The following CHRM3 variants were observed in gnomAD, a reference collection of about 807,000 sequenced individuals.
CHRM3 encodes the protein cholinergic receptor muscarinic 3, also known as muscarinic acetylcholine receptor M3.
In CHRM3, 11 loss-of-function variants were observed where a neutral mutation model predicts 41.8. The ratio of observed to expected loss-of-function variants is 0.26; its 90% CI spans 0.17 to 0.44. CHRM3 has a LOEUF of 0.44. Ranked by LOEUF, CHRM3 falls within the 20% of genes least tolerant of loss-of-function variation. The probability of loss-of-function intolerance (pLI) is 1.00; values close to 1 mark genes in which losing one functional copy is unlikely to be tolerated. For missense variants in CHRM3, 571 were observed against 745.4 expected (o/e 0.77, Z 2.72); for synonymous variants, 297 against 301.4 (o/e 0.99, Z 0.15).
chr1:239,480,224 G>A (rs1666743252), intron 1 of CHRM3, among the ~76,000 whole-genome samples: 1 of 152,040 alleles, frequency 6.6e-6, no homozygotes, highest in African/African-American at 2.4e-5. Flanking sequence ...GATTTATGCT[G>A]AAAGAAAATT....
At chr1:239,675,684 CAT>C (rs780005487) in intron 4 of CHRM3, among the ~76,000 whole-genome samples, 10 of 152,128 alleles carry the variant, frequency 6.6e-5, no homozygotes, top group Non-Finnish European at 1.2e-4. Context: ...CTGTAACAAG[CAT>C]ACAGTTTTTC....
chr1:239,762,070 C>T (rs997908903), intron 5 of CHRM3, among the ~76,000 whole-genome samples: 1 of 152,092 alleles, frequency 6.6e-6, no homozygotes, highest in Non-Finnish European at 1.5e-5. Context: ...TGCCTGTTGC[C>T]CAGGGTCTGA....
chr1:239,588,444 T>G (rs912545878), intron 3 of CHRM3, among the ~76,000 whole-genome samples: 1 of 152,208 alleles, frequency 6.6e-6, no homozygotes, highest in South Asian at 2.1e-4. Flanking sequence ...TGAATGCTCA[T>G]TAATTCAATG....
At chr1:239,672,230 T>C (rs1006100894) in intron 4 of CHRM3, among the ~76,000 whole-genome samples, 2 of 152,058 alleles carry the variant, frequency 1.3e-5, no homozygotes, top group Non-Finnish European at 2.9e-5. Flanking sequence ...CGGGATGCCA[T>C]CATATGGATG....
At chr1:239,634,409 A>G (rs12077943) in intron 4 of CHRM3, among the ~76,000 whole-genome samples, 1 of 146,296 alleles carries the variant, frequency 6.8e-6, no homozygotes, top group African/African-American at 2.5e-5. Flanking sequence ...AAGAAAGGAA[A>G]GAAAGAAGAA....
At chr1:239,593,892 C>G (rs997538) in intron 3 of CHRM3, among the ~76,000 whole-genome samples, 118,775 of 152,096 alleles carry the variant, frequency 0.78, 50,635 homozygotes, top group Non-Finnish European at 0.93. Context: ...CACCGATAAG[C>G]AAGTTCATCA....
intron 4 of CHRM3, among the ~76,000 whole-genome samples, chr1:239,636,312 A>G (rs1263934886): frequency 1.3e-5 from 2 of 152,234 alleles, no homozygotes; most frequent in Non-Finnish European, 2.9e-5. Flanking sequence ...AACATTCCAG[A>G]TAACAATGAC....
intron 3 of CHRM3, among the ~76,000 whole-genome samples, chr1:239,602,805 C>T (rs1433305418): frequency 6.6e-6 from 1 of 151,988 alleles, no homozygotes; most frequent in Non-Finnish European, 1.5e-5. Context: ...AAACAGATAA[C>T]ATAATATTTT....
intron 6 of CHRM3, among the ~76,000 whole-genome samples, chr1:239,831,423 G>T (rs1417001808): frequency 6.6e-6 from 1 of 152,070 alleles, no homozygotes; most frequent in Non-Finnish European, 1.5e-5. Flanking sequence ...GATCGATTAA[G>T]GCAACACAGT....
intron 5 of CHRM3, among the ~76,000 whole-genome samples, chr1:239,784,454 A>G (rs1454134204): frequency 6.6e-6 from 1 of 152,166 alleles, no homozygotes; most frequent in Admixed American, 6.5e-5. Flanking sequence ...CAATACATTT[A>G]CAGCTAACTC....
At chr1:239,466,372 C>T (rs182319492) in intron 1 of CHRM3, among the ~76,000 whole-genome samples, 1 of 152,162 alleles carries the variant, frequency 6.6e-6, no homozygotes, top group African/African-American at 2.4e-5. Flanking sequence ...TCTATCTTAA[C>T]TTACTGTAAG....
rs911109560 is a variant in CHRM3 at position 239,632,293 on chromosome 1, T to A, written c.-250+7T>A. 5 of 152,228 alleles carry A rather than the reference T, an allele frequency of 3.3e-5. No homozygotes were observed. The highest frequency in any genetic ancestry group is 3.3e-4 in the Admixed American group (5 of 15,284). 9.4% of individuals were successfully genotyped at this position (152,228 alleles called of 1,614,324 possible). A position where few individuals can be genotyped will look rare whatever the true frequency, so the allele number is the denominator to read the frequency against. Reference sequence around the variant, plus strand: ...TCAGCTAAGGTACAATAAGGTAAGATCCTTTTTCTAGTTGAGCTATTTCCT... The same window carrying A: ...TCAGCTAAGGTACAATAAGGTAAGAACCTTTTTCTAGTTGAGCTATTTCCT... On this transcript the variant is annotated splice_region_variant and intron_variant, in intron 4 of 6. Transcript: ENST00000676153.
chr1:239,434,429 C>T (rs1238367173), intron 1 of CHRM3, among the ~76,000 whole-genome samples: 4 of 152,214 alleles, frequency 2.6e-5, no homozygotes, highest in Non-Finnish European at 5.9e-5. Flanking sequence ...AAGACTCTCT[C>T]TCTATCTATA....
At position 239,748,716 on chromosome 1, in the gene CHRM3, T is replaced by C. The variant is rs1317912906; in HGVS notation, c.-147+70428T>C. 6.6e-6 allele frequency among the ~76,000 whole-genome samples: 1 copy of C among 152,246 alleles called. No individual in the cohort carries two copies. The highest frequency in any genetic ancestry group is 6.5e-5 in the Admixed American group (1 of 15,282). On this transcript the variant is annotated intron_variant, in intron 5 of 6. Transcript: ENST00000676153. The surrounding 1 kb of genome is among the most constrained non-coding windows in gnomAD (Gnocchi z 4.3). The stretch of plus-strand genomic sequence containing the variant: ...AACTGGATGGATTTAATTCACTTGA[T>C]AAACATAGTTAACCCTTAAATACCA...
intron 4 of CHRM3, among the ~76,000 whole-genome samples, chr1:239,652,367 C>T (rs1159985920): frequency 1.3e-5 from 2 of 152,166 alleles, no homozygotes; most frequent in Non-Finnish European, 2.9e-5. Flanking sequence ...ATCCCCATTC[C>T]ACCTTGAGCA....
At chr1:239,403,978 A>G (rs1232580710) in intron 1 of CHRM3, among the ~76,000 whole-genome samples, 347 of 32,488 alleles carry the variant, frequency 0.011, 2 homozygotes, top group Middle Eastern at 0.04. Flanking sequence ...AGGGAGGGGG[A>G]GAGAGAGAGA....
rs141243478 is a variant in CHRM3, at chr1:239,760,710, T to C, written c.-146-66542T>C. Among the ~76,000 whole-genome samples, 160 of 152,346 alleles carry C rather than the reference T, an allele frequency of 1.1e-3. No homozygotes were observed. In the East Asian group the frequency reaches 0.011, roughly 11 times the overall value. The stretch of plus-strand genomic sequence containing the variant: ...CGCTCTGCTCATGTGTGGTTTGCAT[T>C]GTCTCTGACCAGAATTCGGCTGTTA... On this transcript the variant is annotated intron_variant, in intron 5 of 6. Coordinates refer to ENST00000676153, the MANE Select transcript of CHRM3 (RefSeq NM_001375978.1).
At chr1:239,607,958 C>T (rs1172671487) in intron 3 of CHRM3, among the ~76,000 whole-genome samples, 1 of 152,128 alleles carries the variant, frequency 6.6e-6, no homozygotes, top group East Asian at 1.9e-4. Flanking sequence ...AGAAAGCTTT[C>T]ACTGGGCAAC....
chr1:239,806,234 C>T (rs939584900), intron 5 of CHRM3, among the ~76,000 whole-genome samples: 1 of 152,178 alleles, frequency 6.6e-6, no homozygotes, highest in Non-Finnish European at 1.5e-5. Flanking sequence ...TCCAGTCTCC[C>T]GACTGTCTGC....
Sources: gnomAD v4.1 joint callset for allele counts (sites outside exome capture counted in the v4.1 genomes callset) on GRCh38, gnomAD v4.1.1 for gene constraint, Gnocchi (gnomAD v3.1) non-coding constraint, MANE v1.5 for transcripts, NCBI Gene and HGNC (gene_info 2026-07-23, HGNC 2026-07-21) for gene names.